The following MDGA2 variants were observed in gnomAD, a reference collection of about 807,000 sequenced individuals.
The protein encoded by MDGA2 is MAM domain-containing glycosylphosphatidylinositol anchor protein 2.
A neutral mutation model predicts 117.8 loss-of-function variants in MDGA2; 40 were observed. The observed-to-expected ratio is 0.34, with a 90% CI of 0.26 to 0.44. MDGA2 has a LOEUF of 0.44. Ranked by LOEUF, MDGA2 falls within the 20% of genes least tolerant of loss-of-function variation. The pLI, the probability that MDGA2 is intolerant of heterozygous loss-of-function variation, is 1.00. For synonymous variants in MDGA2, 452 were observed against 439.0 expected (o/e 1.03, Z -0.37); for missense variants, 1,123 against 1,250.6 (o/e 0.90, Z 1.54).
intron 10 of MDGA2, among the ~76,000 whole-genome samples, chr14:46,913,714 G>C (rs980193077): frequency 6.6e-6 from 1 of 152,110 alleles, no homozygotes; most frequent in Non-Finnish European, 1.5e-5. Flanking sequence ...AACAAATGAA[G>C]TTTGCACCTC....
At chr14:47,024,006 G>C (rs1888383413) in intron 8 of MDGA2, among the ~76,000 whole-genome samples, 1 of 152,090 alleles carries the variant, frequency 6.6e-6, no homozygotes, top group Non-Finnish European at 1.5e-5. Flanking sequence ...TATCATAAAA[G>C]ACAAAGAAGA....
intron 1 of MDGA2, among the ~76,000 whole-genome samples, chr14:47,479,865 C>G (rs1893916179): frequency 6.6e-6 from 1 of 151,978 alleles, no homozygotes; most frequent in Non-Finnish European, 1.5e-5. Context: ...ATATTTACAC[C>G]AACAATTTAC....
rs1329297049 is a variant in MDGA2, at chr14:47,373,768, G to C, written c.281-72218C>G. On this transcript the variant is annotated intron_variant, in intron 1 of 16. Transcript: ENST00000399232. ...TTCGGTCATAGCTGCACAACTTTGT[G>C]AATCTACTAAATAACATTCAATGTT... Among the ~76,000 whole-genome samples the C allele has an allele frequency of 2.4e-4, 37 of 152,218 alleles. 1 individual carries two copies.
intron 1 of MDGA2, among the ~76,000 whole-genome samples, chr14:47,666,817 G>A (rs1897981175): frequency 6.6e-6 from 1 of 151,972 alleles, no homozygotes; most frequent in South Asian, 2.1e-4. Context: ...AACACTCACT[G>A]CGAAGGTCTA....
intron 2 of MDGA2, 144 bp downstream of exon 2, chr14:47,301,267 A>C: frequency 1.3e-6 from 1 of 782,658 alleles, no homozygotes; most frequent in Non-Finnish European, 2.0e-6. Flanking sequence ...CTTGCACTTG[A>C]GTTACACACA....
intron 2 of MDGA2, among the ~76,000 whole-genome samples, chr14:47,278,375 G>A (rs1888373661): frequency 6.9e-6 from 1 of 145,260 alleles, no homozygotes; most frequent in African/African-American, 2.5e-5. Flanking sequence ...GATCAGATCA[G>A]GGTCATGAAG....
chr14:47,491,202 T>C (rs1341643390), intron 1 of MDGA2, among the ~76,000 whole-genome samples: 3 of 152,062 alleles, frequency 2.0e-5, no homozygotes, highest in African/African-American at 7.2e-5. Context: ...TAAGTCTACA[T>C]CCTAAAGCAA....
At chr14:47,637,618 T>A (rs1253871077) in intron 1 of MDGA2, among the ~76,000 whole-genome samples, 1 of 152,214 alleles carries the variant, frequency 6.6e-6, no homozygotes, top group Non-Finnish European at 1.5e-5. Flanking sequence ...AAAATCTAAA[T>A]TCTGCATATT....
intron 6 of MDGA2, among the ~76,000 whole-genome samples, chr14:47,086,195 T>C (rs1890894194): frequency 6.6e-6 from 1 of 151,732 alleles, no homozygotes; most frequent in Admixed American, 6.6e-5. Flanking sequence ...TTTGAATTAC[T>C]GGGTTGATGA....
intron 1 of MDGA2, among the ~76,000 whole-genome samples, chr14:47,424,051 G>A (rs1030357009): frequency 1.4e-4 from 21 of 152,096 alleles, no homozygotes; most frequent in African/African-American, 5.1e-4. Flanking sequence ...GACCTCAGGT[G>A]ATCCACCTGC....
At chr14:47,312,941 T>TATAA (rs954130806) in intron 1 of MDGA2, among the ~76,000 whole-genome samples, 5 of 147,224 alleles carry the variant, frequency 3.4e-5, no homozygotes, top group African/African-American at 7.4e-5. Flanking sequence ...TATATATATA[T>TATAA]AAACCTATTT....
intron 1 of MDGA2, among the ~76,000 whole-genome samples, chr14:47,353,964 G>C (rs972076754): frequency 2.0e-5 from 3 of 152,128 alleles, no homozygotes; most frequent in Non-Finnish European, 4.4e-5. Flanking sequence ...CCACAATTAA[G>C]TGGGATATAT....
intron 1 of MDGA2, among the ~76,000 whole-genome samples, chr14:47,575,251 A>G (rs1896095023): frequency 6.6e-6 from 1 of 152,222 alleles, no homozygotes; most frequent in Admixed American, 6.5e-5. Context: ...AAAAAATCAA[A>G]TCCCAGTACT....
chr14:47,568,835 AT>A (rs779301317), intron 1 of MDGA2, among the ~76,000 whole-genome samples: 1 of 151,092 alleles, frequency 6.6e-6, no homozygotes, highest in Non-Finnish European at 1.5e-5. Context: ...TGTACTTCCA[AT>A]TTTTTTTTAA....
intron 8 of MDGA2, among the ~76,000 whole-genome samples, chr14:46,992,107 C>G (rs1954227): frequency 0.13 from 19,740 of 152,078 alleles, 1,378 homozygotes; most frequent in Admixed American, 0.21. Flanking sequence ...CAGATACTTT[C>G]AATAGTTGAG....
At chr14:47,102,834 G>A (rs987417126) in intron 5 of MDGA2, among the ~76,000 whole-genome samples, 2 of 152,158 alleles carry the variant, frequency 1.3e-5, no homozygotes, top group African/African-American at 4.8e-5. Flanking sequence ...TCAGATCGAA[G>A]AATAAATATG....
chr14:47,410,633 G>C (rs1383630110), intron 1 of MDGA2, among the ~76,000 whole-genome samples: 1 of 152,090 alleles, frequency 6.6e-6, no homozygotes, highest in Non-Finnish European at 1.5e-5. Context: ...TGAAGAGAGA[G>C]AGAGAAAATA....
intron 9 of MDGA2, among the ~76,000 whole-genome samples, chr14:46,935,327 C>T (rs1238184710): frequency 6.6e-6 from 1 of 152,094 alleles, no homozygotes; most frequent in Non-Finnish European, 1.5e-5. Context: ...ATCCAGCTCA[C>T]CCTACATATC....
chr14:46,928,641 C>T (rs1035676176), intron 9 of MDGA2, among the ~76,000 whole-genome samples: 2 of 152,062 alleles, frequency 1.3e-5, no homozygotes, highest in Admixed American at 6.6e-5. Flanking sequence ...TTCTAAAGCC[C>T]CAGTTTCATC....
Sources: gnomAD v4.1 joint callset for allele counts (sites outside exome capture counted in the v4.1 genomes callset) on GRCh38, gnomAD v4.1.1 for gene constraint, MANE v1.5 for transcripts, NCBI Gene and HGNC (gene_info 2026-07-23, HGNC 2026-07-21) for gene names.